REC114: variants seen among roughly 807,000 people sequenced by gnomAD.
REC114 encodes meiotic recombination protein REC114.
In REC114, 27 loss-of-function variants were observed where a neutral mutation model predicts 31.3. That is an observed-to-expected ratio of 0.86 (90% CI 0.64 to 1.19). The LOEUF (loss-of-function observed/expected upper bound fraction) is 1.19. Among genes scored for constraint, REC114 ranks in the 50% most tolerant of loss-of-function variants. The pLI, the probability that REC114 is intolerant of heterozygous loss-of-function variation, is 0.00. For missense variants in REC114, 344 were observed against 326.9 expected (o/e 1.05, Z -0.40); for synonymous variants, 134 against 127.7 (o/e 1.05, Z -0.33).
At chr15:73,477,753 T>C (rs1274998541) in intron 2 of REC114, among the ~76,000 whole-genome samples, 1 of 152,170 alleles carries the variant, frequency 6.6e-6, no homozygotes, top group Non-Finnish European at 1.5e-5. Context: ...TCTAGAAGCT[T>C]TATGCTTTCA....
intron 2 of REC114, among the ~76,000 whole-genome samples, chr15:73,510,441 T>C (rs1214726019): frequency 6.6e-6 from 1 of 151,220 alleles, no homozygotes; most frequent in African/African-American, 2.4e-5. Flanking sequence ...TATTTCCTTC[T>C]CCTGACTAAT....
Position 73,559,866 on chromosome 15 carries a change from G to A in REC114, c.751G>A (p.Val251Met). The change falls in exon 6 of 6, where the codon GTG becomes ATG. Residue 251 changes from valine (V) to methionine (M), a missense_variant. By Grantham distance (21) the Val-to-Met change is conservative. Transcript: ENST00000331090. ...CLMDQNFPAF[V>M]EEVEKELKKL... ...TATGGATCAGAATTTCCCAGCATTT[G>A]TGGAAGAGGTAGAAAAGGAACTGAA... The A allele has an allele frequency of 1.2e-6, 2 of 1,612,814 alleles. No individual in the cohort carries two copies. Among genetic ancestry groups the A allele is most frequent in the Non-Finnish European group, 8.5e-7 (1 of 1,179,276 alleles).
intron 2 of REC114, among the ~76,000 whole-genome samples, chr15:73,539,072 C>T (rs955093408): frequency 7.0e-6 from 1 of 143,218 alleles, no homozygotes; most frequent in Admixed American, 6.8e-5. Flanking sequence ...AATTTGCACT[C>T]CCACCAGCAA....
intron 1 of REC114, among the ~76,000 whole-genome samples, chr15:73,469,511 C>T (rs1893104906): frequency 1.3e-5 from 2 of 151,888 alleles, no homozygotes; most frequent in Admixed American, 6.6e-5. Flanking sequence ...CTTACAGCAG[C>T]CTCGAACTCC....
intron 2 of REC114, among the ~76,000 whole-genome samples, chr15:73,538,809 C>T (rs1194906631): frequency 6.6e-6 from 1 of 151,872 alleles, no homozygotes; most frequent in Non-Finnish European, 1.5e-5. Flanking sequence ...ACTTTTTACA[C>T]CTGTATAGTA....
intron 3 of REC114, among the ~76,000 whole-genome samples, chr15:73,542,083 C>T (rs905342391): frequency 9.2e-5 from 14 of 151,802 alleles, no homozygotes; most frequent in African/African-American, 3.4e-4. Flanking sequence ...GTAATCCCAG[C>T]ATTTTAGGAG....
At position 73,519,732 on chromosome 15, in the gene REC114, C is replaced by A. The variant is rs548576626; in HGVS notation, c.250-20753C>A. ...CAAAAGGTAGAAGCAACTCAAGTGTCCATCAGTGGGTGAATGAGTAAACAA... is the reference window on the plus strand; with the variant it reads ...CAAAAGGTAGAAGCAACTCAAGTGTACATCAGTGGGTGAATGAGTAAACAA... On this transcript the variant is annotated intron_variant, in intron 2 of 5. Transcript: ENST00000331090. Among the ~76,000 whole-genome samples, 3 of 152,324 alleles carry A rather than the reference C, an allele frequency of 2.0e-5. No homozygotes were observed. In the East Asian group the frequency reaches 5.8e-4, roughly 29 times the overall value.
chr15:73,535,283 A>G (rs1222585538), intron 2 of REC114, among the ~76,000 whole-genome samples: 1 of 151,902 alleles, frequency 6.6e-6, no homozygotes, highest in East Asian at 1.9e-4. Flanking sequence ...AGAAAACCCC[A>G]TTGTCTCAGC....
chr15:73,502,156 T>TA (rs10677925), intron 2 of REC114, among the ~76,000 whole-genome samples: 138,951 of 147,534 alleles, frequency 0.94, 65,622 homozygotes, highest in East Asian at 0.99. Context: ...CCTTGTCTCT[T>TA]AAAAAAAAAA....
At chr15:73,553,805 G>A (rs1029505004) in intron 4 of REC114, among the ~76,000 whole-genome samples, 3 of 152,104 alleles carry the variant, frequency 2.0e-5, no homozygotes, top group African/African-American at 7.2e-5. Context: ...TCTATTTTCA[G>A]GGACTCTTCT....
chr15:73,492,880 T>G (rs576531232), intron 2 of REC114, among the ~76,000 whole-genome samples: 6 of 152,210 alleles, frequency 3.9e-5, no homozygotes, highest in Non-Finnish European at 7.3e-5. Context: ...ACACTTTTCC[T>G]TATGTTTATT....
intron 2 of REC114, among the ~76,000 whole-genome samples, chr15:73,517,848 A>G (rs1347402358): frequency 6.6e-6 from 1 of 152,214 alleles, no homozygotes; most frequent in African/African-American, 2.4e-5. Context: ...TCTGGTGACC[A>G]TAGCCTGGGG....
intron 1 of REC114, among the ~76,000 whole-genome samples, chr15:73,450,422 CAAG>C (rs1892828256): frequency 6.6e-6 from 1 of 152,146 alleles, no homozygotes; most frequent in Admixed American, 6.5e-5. Flanking sequence ...ATCAATGCAA[CAAG>C]AAGAGCTAAC....
rs1894382276 is a variant in REC114 at position 73,551,009 on chromosome 15, T to C, written c.405T>C (p.Ser135=). 6.2e-7 allele frequency: 1 copy of C among 1,613,788 alleles called. No individual in the cohort carries two copies. Among genetic ancestry groups the C allele is most frequent in the Non-Finnish European group, 8.5e-7 (1 of 1,179,818 alleles). ...AGCAGGCGCTGGAACACTGCTGCAG[T>C]TGTGTTCAGAAGCTGGCACAATACA... is the stretch of plus-strand genomic sequence containing the variant. ...SKEQALEHCC[S]CVQKLAQYIT... is the part of the protein sequence containing the mutation. The change falls in exon 4 of 6, where the codon AGT becomes AGC. Residue 135 remains serine (S), a synonymous_variant. Transcript: ENST00000331090.
chr15:73,558,056 A>G (rs1453390416), intron 5 of REC114, among the ~76,000 whole-genome samples: 1 of 152,176 alleles, frequency 6.6e-6, no homozygotes, highest in Non-Finnish European at 1.5e-5. Context: ...CAAGGGATGT[A>G]GGCTGCACAT....
chr15:73,488,352 ACT>A (rs1268326989), intron 2 of REC114, among the ~76,000 whole-genome samples: 1 of 151,980 alleles, frequency 6.6e-6, no homozygotes. Flanking sequence ...TCTTCCAAAC[ACT>A]CTTTTATATT....
At chr15:73,514,398 C>T (rs1029409333) in intron 2 of REC114, among the ~76,000 whole-genome samples, 5 of 151,874 alleles carry the variant, frequency 3.3e-5, no homozygotes, top group African/African-American at 7.3e-5. Flanking sequence ...AGAAATCACC[C>T]GTCTTCTGCG....
At chr15:73,467,794 A>C (rs1893081917) in intron 1 of REC114, among the ~76,000 whole-genome samples, 1 of 152,228 alleles carries the variant, frequency 6.6e-6, no homozygotes, top group Non-Finnish European at 1.5e-5. Context: ...CAACGCAAAC[A>C]TTAGCTTATA....
At chr15:73,525,525 A>G (rs1244707618) in intron 2 of REC114, among the ~76,000 whole-genome samples, 2 of 150,320 alleles carry the variant, frequency 1.3e-5, no homozygotes, top group African/African-American at 4.9e-5. Flanking sequence ...ATTTTTTTCT[A>G]TGTTGTATTT....
Sources: allele counts gnomAD v4.1 joint callset (sites outside exome capture counted in the v4.1 genomes callset), GRCh38; gene constraint gnomAD v4.1.1; transcripts MANE v1.5; gene names NCBI Gene and HGNC (gene_info 2026-07-23, HGNC 2026-07-21).